Variants in ANKFN1 observed in about 807,000 individuals in gnomAD.
The protein encoded by ANKFN1 is ankyrin repeat and fibronectin type III domain containing 1, also known as ankyrin repeat and fibronectin type-III domain-containing protein 1.
ANKFN1 carries 74 observed loss-of-function variants against 108.7 expected under a neutral mutation model. The observed-to-expected ratio is 0.68, with a 90% CI of 0.56 to 0.83. The LOEUF (loss-of-function observed/expected upper bound fraction) is 0.83. ANKFN1 is among the 40% of genes least tolerant of loss of function. The pLI, the probability that ANKFN1 is intolerant of heterozygous loss-of-function variation, is 0.00. For synonymous variants in ANKFN1, 547 were observed against 516.2 expected, an observed-to-expected ratio of 1.06 and a Z score of -0.81; for missense variants, 1,505 against 1,382.3, an observed-to-expected ratio of 1.09 and a Z score of -1.41.
At chr17:56,352,845 T>G (rs2046280162) in intron 5 of ANKFN1, among the ~76,000 whole-genome samples, 2 of 152,148 alleles carry the variant, frequency 1.3e-5, no homozygotes, top group African/African-American at 4.8e-5. Context: ...TTTAGGAAGA[T>G]TATTCTTGTA....
intron 4 of ANKFN1, among the ~76,000 whole-genome samples, chr17:56,052,197 G>A (rs2143078767): frequency 1.3e-5 from 2 of 152,254 alleles, no homozygotes; most frequent in South Asian, 4.2e-4. Context: ...AACCAAAACA[G>A]CATGGTACTG....
At chr17:56,184,803 G>A (rs1224110957) in intron 1 of ANKFN1, 1 of 152,154 alleles carries the variant, frequency 6.6e-6, no homozygotes, top group Non-Finnish European at 1.5e-5. Flanking sequence ...GAGAAATGAA[G>A]CGACACGTCC....
At chr17:56,355,498 G>A (rs1192701700) in intron 6 of ANKFN1, among the ~76,000 whole-genome samples, 1 of 152,152 alleles carries the variant, frequency 6.6e-6, no homozygotes, top group African/African-American at 2.4e-5. Context: ...GAAGTCACAG[G>A]GACCAGATTA....
At position 56,304,661 on chromosome 17, in the gene ANKFN1, T is replaced by TC. The variant is rs979195039; in HGVS notation, c.54-21559dup. Among the ~76,000 whole-genome samples, 4 of 152,140 alleles carry TC rather than the reference T, an allele frequency of 2.6e-5. No individual in the cohort carries two copies. The East Asian group carries it at 7.7e-4, about 29-fold the overall frequency. ...ACAAACTCACCAACATTTGGTGTTTTCTTTTTTTTTTATTTTAGTTATTCT... is the reference window on the plus strand; with the variant it reads ...ACAAACTCACCAACATTTGGTGTTTTCCTTTTTTTTTTATTTTAGTTATTCT... On this transcript the variant is annotated intron_variant, in intron 3 of 20. Coordinates refer to ENST00000682825, the MANE Select transcript of ANKFN1 (RefSeq NM_001370326.1).
At chr17:56,264,670 G>GACCT (rs2043604149) in intron 3 of ANKFN1, among the ~76,000 whole-genome samples, 1 of 152,140 alleles carries the variant, frequency 6.6e-6, no homozygotes. Context: ...ATAGAGCACT[G>GACCT]ACCTTGGGTT....
chr17:56,058,625 C>T (rs572815925), intron 4 of ANKFN1, among the ~76,000 whole-genome samples: 5 of 49,944 alleles, frequency 1.0e-4, no homozygotes, highest in Admixed American at 4.0e-4. Context: ...TGTGTTGTTC[C>T]GCTCCGTGTC....
chr17:56,477,351 C>A, intron 15 of ANKFN1, 137 bp from the exon 16 acceptor site: 2 of 768,608 alleles, frequency 2.6e-6, no homozygotes, highest in Non-Finnish European at 3.9e-6. Flanking sequence ...TCATGGTATA[C>A]CTGAGGTTTC....
chr17:56,318,243 G>T lies in ANKFN1; in HGVS notation c.54-7978G>T, dbSNP rs184795719. The stretch of plus-strand genomic sequence containing the variant: ...AAAATAGATAATTAATGGTTCTGGG[G>T]GGGGTGTGCTGGCCTTTGGCATGAT... On this transcript the variant is annotated intron_variant, in intron 3 of 20. Coordinates refer to ENST00000682825, the MANE Select transcript of ANKFN1 (RefSeq NM_001370326.1). Among the ~76,000 whole-genome samples the T allele has an allele frequency of 7.4e-4, 112 of 152,198 alleles. 1 individual carries two copies. The highest frequency in any genetic ancestry group is 2.1e-3 in the Admixed American group (32 of 15,280).
At chr17:56,410,303 G>A (rs2048052585) in intron 8 of ANKFN1, among the ~76,000 whole-genome samples, 1 of 151,972 alleles carries the variant, frequency 6.6e-6, no homozygotes, top group Non-Finnish European at 1.5e-5. Flanking sequence ...CACCATATTG[G>A]CCAGGATGGT....
At chr17:56,330,091 G>A (rs2045619464) in intron 4 of ANKFN1, among the ~76,000 whole-genome samples, 1 of 152,178 alleles carries the variant, frequency 6.6e-6, no homozygotes, top group South Asian at 2.1e-4. Context: ...ATTCTAAATA[G>A]CACCTGGCTC....
In ANKFN1 at chr17:56,510,917, C is replaced by G. The variant is rs759248964; in HGVS notation, c.3089C>G (p.Ser1030Cys). The G allele has an allele frequency of 1.4e-5, 22 of 1,536,070 alleles. No individual in the cohort carries two copies. The highest frequency in any genetic ancestry group is 1.9e-5 in the Non-Finnish European group (22 of 1,146,924). ...IHSETQSLSL[S>C]EGIYTQHLSQ... Reference sequence around the variant, plus strand: ...AGCGAGACCCAGTCGCTATCGCTCTCTGAGGGCATTTATACACAGCACCTG... The same window carrying G: ...AGCGAGACCCAGTCGCTATCGCTCTGTGAGGGCATTTATACACAGCACCTG... The change falls in exon 21 of 21, where the codon TCT (serine) becomes TGT (cysteine). Residue 1030 changes from serine (S) to cysteine (C), a missense_variant. Coordinates refer to ENST00000682825, the MANE Select transcript of ANKFN1 (RefSeq NM_001370326.1).
chr17:56,231,444 T>C (rs952236670), intron 3 of ANKFN1, among the ~76,000 whole-genome samples: 1 of 152,208 alleles, frequency 6.6e-6, no homozygotes, highest in African/African-American at 2.4e-5. Flanking sequence ...TGATTTGTTC[T>C]GTTTCTATTC....
chr17:56,334,649 A>G (rs1387992748), intron 4 of ANKFN1, among the ~76,000 whole-genome samples: 1 of 152,152 alleles, frequency 6.6e-6, no homozygotes, highest in African/African-American at 2.4e-5. Context: ...AATAATGTTA[A>G]TTATGAGGAA....
At chr17:56,165,499 T>C (rs980846209) in intron 1 of ANKFN1, among the ~76,000 whole-genome samples, 2 of 152,212 alleles carry the variant, frequency 1.3e-5, no homozygotes, top group Non-Finnish European at 2.9e-5. Flanking sequence ...AGGTAACATG[T>C]TCTACATACC....
At chr17:56,107,573 T>C (rs1261319621) in intron 4 of ANKFN1, among the ~76,000 whole-genome samples, 7 of 152,160 alleles carry the variant, frequency 4.6e-5, no homozygotes, top group Admixed American at 4.6e-4. Context: ...TCAAAATTCT[T>C]TATTTCCTGA....
At position 56,350,809 on chromosome 17, in the gene ANKFN1, C is replaced by A; in HGVS notation, c.232C>A (p.Leu78Ile). The A allele has an allele frequency of 9.9e-6, 16 of 1,613,792 alleles. No individual in the cohort carries two copies. Among genetic ancestry groups the A allele is most frequent in the Non-Finnish European group, 1.4e-5 (16 of 1,179,840 alleles). The change falls in exon 5 of 21, where the codon CTC becomes ATC. Residue 78 changes from leucine to isoleucine, a missense_variant. Leu to Ile is a conservative substitution (Grantham distance 5). Coordinates refer to ENST00000682825, the MANE Select transcript of ANKFN1 (RefSeq NM_001370326.1). ...KMTQQMQNLH[L>I]CQSKKHSAPS... is the part of the protein sequence containing the mutation. ...GACGCAACAAATGCAAAATTTACAT[C>A]TCTGTCAGTCAAAAAAACATAGTGC...
intron 3 of ANKFN1, among the ~76,000 whole-genome samples, chr17:56,285,610 C>G (rs1287883903): frequency 6.6e-6 from 1 of 152,058 alleles, no homozygotes; most frequent in Non-Finnish European, 1.5e-5. Flanking sequence ...AACTGGGCTC[C>G]TCTCTCCCCA....
At chr17:56,070,153 T>A (rs538574147) in intron 4 of ANKFN1, among the ~76,000 whole-genome samples, 1 of 152,342 alleles carries the variant, frequency 6.6e-6, no homozygotes, top group Admixed American at 6.5e-5. Flanking sequence ...CTTAACCATC[T>A]GGGAATGCAG....
intron 3 of ANKFN1, among the ~76,000 whole-genome samples, chr17:56,256,073 A>C (rs1012685584): frequency 6.6e-6 from 1 of 152,214 alleles, no homozygotes; most frequent in Non-Finnish European, 1.5e-5. Flanking sequence ...AGAATGTATC[A>C]TGAGCTGAAC....
Sources: gnomAD v4.1 joint callset for allele counts (sites outside exome capture counted in the v4.1 genomes callset) on GRCh38, gnomAD v4.1.1 for gene constraint, MANE v1.5 for transcripts, NCBI Gene and HGNC (gene_info 2026-07-23, HGNC 2026-07-21) for gene names.